The following VPS13D variants were observed in gnomAD, a reference collection of about 807,000 sequenced individuals.
VPS13D encodes vacuolar protein sorting 13 homolog D, also known as intermembrane lipid transfer protein VPS13D.
Under a neutral mutation model 461.9 loss-of-function variants are expected in VPS13D, and 187 were observed. That is an observed-to-expected ratio of 0.40 (90% CI 0.36 to 0.46). VPS13D has a LOEUF of 0.46. Among genes scored for constraint, VPS13D ranks in the 20% least tolerant of loss-of-function variants. The pLI is 0.60. For missense variants in VPS13D, 4,711 were observed against 5,364.9 expected, an observed-to-expected ratio of 0.88 and a Z score of 3.81; for synonymous variants, 1,951 against 1,986.3, an observed-to-expected ratio of 0.98 and a Z score of 0.47.
At chr1:12,261,381 A>G (rs568611528) in intron 12 of VPS13D, among the ~76,000 whole-genome samples, 1 of 152,358 alleles carries the variant, frequency 6.6e-6, no homozygotes, top group Admixed American at 6.5e-5. Context: ...TAAAAGAACT[A>G]AATTTGAGCA....
intron 57 of VPS13D, among the ~76,000 whole-genome samples, chr1:12,381,562 G>A (rs748922657): frequency 6.6e-6 from 1 of 152,166 alleles, no homozygotes; most frequent in South Asian, 2.1e-4. Context: ...TAGAGTAATC[G>A]GCAGGCAAGA....
chr1:12,310,137 T>C (rs1008468471), intron 27 of VPS13D, among the ~76,000 whole-genome samples: 2 of 152,224 alleles, frequency 1.3e-5, no homozygotes, highest in African/African-American at 2.4e-5. Flanking sequence ...TATCTAAACT[T>C]TCCCCACTCC....
chr1:12,459,688 A>G (rs1645381810), intron 66 of VPS13D, among the ~76,000 whole-genome samples: 1 of 152,066 alleles, frequency 6.6e-6, no homozygotes, highest in Admixed American at 6.5e-5. Flanking sequence ...CATGTTGGCC[A>G]GGATGGTCTC....
chr1:12,459,590 T>G (rs1174682681), intron 66 of VPS13D, among the ~76,000 whole-genome samples: 1 of 151,696 alleles, frequency 6.6e-6, no homozygotes, highest in Non-Finnish European at 1.5e-5. Flanking sequence ...GCAATTCTCC[T>G]GCCTTAGCCT....
intron 5 of VPS13D, among the ~76,000 whole-genome samples, chr1:12,248,728 C>T (rs929350075): frequency 6.6e-6 from 1 of 152,194 alleles, no homozygotes; most frequent in Non-Finnish European, 1.5e-5. Context: ...TACATATATA[C>T]ATACATAGTT....
chr1:12,379,619 T>C (rs1392334054), intron 57 of VPS13D, 23 bp downstream of exon 57: 1 of 1,581,308 alleles, frequency 6.3e-7, no homozygotes, highest in South Asian at 1.1e-5. Flanking sequence ...TGATCCCCAA[T>C]TGCAGCAAGC....
chr1:12,312,759 C>G (rs1642789837), intron 29 of VPS13D, among the ~76,000 whole-genome samples: 1 of 152,094 alleles, frequency 6.6e-6, no homozygotes, highest in Non-Finnish European at 1.5e-5. Context: ...CCTGGTCCCT[C>G]CCGCCCCAAA....
intron 22 of VPS13D, among the ~76,000 whole-genome samples, chr1:12,289,670 G>A (rs1160263922): frequency 6.6e-6 from 1 of 151,170 alleles, no homozygotes; most frequent in Non-Finnish European, 1.5e-5. Flanking sequence ...AAATAAGTAT[G>A]TGGCTGGGCA....
At chr1:12,262,404 T>C (rs949276061) in intron 13 of VPS13D, among the ~76,000 whole-genome samples, 17 of 152,312 alleles carry the variant, frequency 1.1e-4, no homozygotes, top group African/African-American at 4.1e-4. Flanking sequence ...GGCACAAGAG[T>C]TATACACATT....
intron 2 of VPS13D, among the ~76,000 whole-genome samples, chr1:12,242,283 G>A (rs554929106): frequency 1.3e-3 from 194 of 152,302 alleles, no homozygotes; most frequent in Non-Finnish European, 2.2e-3. Context: ...GCCTGTTCTA[G>A]ATGTAAAACT....
At chr1:12,441,650 T>C (rs1176887653) in intron 65 of VPS13D, among the ~76,000 whole-genome samples, 1 of 152,214 alleles carries the variant, frequency 6.6e-6, no homozygotes, top group Non-Finnish European at 1.5e-5. Context: ...TAGCTGATGT[T>C]GGCACGACTC....
At chr1:12,271,169 C>A in intron 17 of VPS13D, 45 bp downstream of exon 17, 1 of 1,610,872 alleles carries the variant, frequency 6.2e-7, no homozygotes, top group Non-Finnish European at 8.5e-7. Context: ...GGGGAAGGGG[C>A]AGGAATTCTT....
chr1:12,400,962 G>GCGCACACACACACACACACA (rs1253464149), intron 61 of VPS13D, among the ~76,000 whole-genome samples: 5 of 106,296 alleles, frequency 4.7e-5, no homozygotes, highest in South Asian at 3.7e-4. Context: ...CTGCGCGCGC[G>GCGCACACACACACACACACA]CACACACACA....
rs114440414 is a variant in VPS13D, at chr1:12,371,717, G to A, written c.10808+2015G>A. 6.1e-3 allele frequency among the ~76,000 whole-genome samples: 933 copies of A among 152,136 alleles called. 12 individuals carry two copies. The highest frequency in any genetic ancestry group is 0.02 in the African/African-American group (840 of 41,514). On this transcript the variant is annotated intron_variant, in intron 54 of 69. Coordinates refer to ENST00000620676, the MANE Select transcript of VPS13D (RefSeq NM_015378.4). ...CCATTTTTTTTATGAAAAGTACCCA[G>A]TATTTTTTGTGGCTGAATACTATGC...
chr1:12,378,646 G>A, intron 56 of VPS13D, 55 bp downstream of exon 56: 1 of 1,433,468 alleles, frequency 7.0e-7, no homozygotes, highest in South Asian at 1.6e-5. Flanking sequence ...TTCAGACTCA[G>A]AGGAAATCTA....
At position 12,400,328 on chromosome 1, in the gene VPS13D, A is replaced by G; in HGVS notation, c.11782A>G (p.Lys3928Glu). ...TAAGAGTGCACTGACCAACATCTAC[A>G]AGGTGGGCTGGTGGAGGAGGCTGGT... ...PSKSALTNIY[K>E]HLMITAQRFT... is the part of the protein sequence containing the mutation. The change falls in exon 61 of 70, where the codon AAG (lysine) becomes GAG (glutamate). Residue 3928 changes from lysine (K) to glutamate (E), a missense_variant and splice_region_variant. By Grantham distance (56) the Lys-to-Glu change is moderately conservative. Transcript: ENST00000620676. The G allele has an allele frequency of 6.2e-7, 1 of 1,613,896 alleles. No homozygotes were observed. Among genetic ancestry groups the G allele is most frequent in the Non-Finnish European group, 8.5e-7 (1 of 1,179,926 alleles).
chr1:12,387,367 C>G lies in VPS13D; in HGVS notation c.11634+1033C>G, dbSNP rs1350842667. On this transcript the variant is annotated intron_variant, in intron 60 of 69. Transcript: ENST00000620676. ...TGGAATATGACAATTTAGCACCCAA[C>G]AAGGTAAAATTCACAATATCTGACA... Among the ~76,000 whole-genome samples, 5 of 152,320 alleles carry G rather than the reference C, an allele frequency of 3.3e-5. No homozygotes were observed. In the East Asian group the frequency reaches 7.7e-4, roughly 23 times the overall value.
At chr1:12,305,665 G>A (rs936908082) in intron 26 of VPS13D, among the ~76,000 whole-genome samples, 7 of 152,238 alleles carry the variant, frequency 4.6e-5, no homozygotes, top group South Asian at 4.1e-4. Context: ...TGCTAGAGAC[G>A]GAGGCAGAAT....
intron 55 of VPS13D, among the ~76,000 whole-genome samples, chr1:12,375,840 G>A (rs1377877281): frequency 1.3e-5 from 2 of 152,104 alleles, no homozygotes; most frequent in Non-Finnish European, 2.9e-5. Context: ...TCCACACTGG[G>A]CCACCCCAAC....
Sources: allele counts gnomAD v4.1 joint callset (sites outside exome capture counted in the v4.1 genomes callset), GRCh38; gene constraint gnomAD v4.1.1; transcripts MANE v1.5; gene names NCBI Gene and HGNC (gene_info 2026-07-23, HGNC 2026-07-21).